PPARGC1A: variants seen among roughly 807,000 people sequenced by gnomAD.
The protein encoded by PPARGC1A is peroxisome proliferator-activated receptor gamma coactivator 1-alpha.
PPARGC1A carries 25 observed loss-of-function variants against 88.7 expected under a neutral mutation model. The ratio of observed to expected loss-of-function variants is 0.28; its 90% CI spans 0.21 to 0.39. PPARGC1A has a LOEUF of 0.39. PPARGC1A is among the 10% of genes least tolerant of loss of function. PPARGC1A has a pLI of 1.00. For synonymous variants in PPARGC1A, 363 were observed against 355.6 expected (o/e 1.02, Z -0.24); for missense variants, 880 against 968.7 (o/e 0.91, Z 1.22).
At chr4:24,258,318 A>G in the PPARGC1A span, 1 of 323,026 alleles carries the variant, frequency 3.1e-6, no homozygotes, top group Non-Finnish European at 4.5e-6. Context: ...AGATGGGGAT[A>G]CTGAAAGGCA....
the PPARGC1A span, among the ~76,000 whole-genome samples, chr4:24,471,593 G>C: frequency 6.6e-6 from 1 of 152,156 alleles, no homozygotes; most frequent in Non-Finnish European, 1.5e-5. This position sits in a 1 kb window ranked among gnomAD's most constrained non-coding sequence, Gnocchi z 5.4. Flanking sequence ...GGTTACCAGT[G>C]GCCCGCTGAC....
At chr4:24,207,912 T>G in the PPARGC1A span, among the ~76,000 whole-genome samples, 1 of 152,188 alleles carries the variant, frequency 6.6e-6, no homozygotes, top group Non-Finnish European at 1.5e-5. Flanking sequence ...TAGACAATTC[T>G]GATTATTAAG....
chr4:24,212,933 CA>C, the PPARGC1A span, among the ~76,000 whole-genome samples: 3 of 152,154 alleles, frequency 2.0e-5, no homozygotes, highest in Non-Finnish European at 4.4e-5. Context: ...AGGGTCTACA[CA>C]TATCCCCTCC....
the PPARGC1A span, among the ~76,000 whole-genome samples, chr4:24,376,096 A>C: frequency 6.6e-6 from 1 of 152,164 alleles, no homozygotes; most frequent in Non-Finnish European, 1.5e-5. Context: ...AACACCTAAC[A>C]GCCCATACAT....
chr4:24,387,762 G>GAA, the PPARGC1A span, among the ~76,000 whole-genome samples: 522 of 72,464 alleles, frequency 7.2e-3, 5 homozygotes, highest in African/African-American at 0.011. Flanking sequence ...GAGAGAGAGA[G>GAA]AGAGAGAAAG....
the PPARGC1A span, among the ~76,000 whole-genome samples, chr4:24,426,690 A>C: frequency 6.6e-6 from 1 of 152,206 alleles, no homozygotes; most frequent in African/African-American, 2.4e-5. Flanking sequence ...GCTTAGAAAT[A>C]AGCAATACAA....
chr4:24,018,594 T>TA, the PPARGC1A span, among the ~76,000 whole-genome samples: 1 of 151,880 alleles, frequency 6.6e-6, no homozygotes, highest in Non-Finnish European at 1.5e-5. Flanking sequence ...TGTCTTCTAA[T>TA]AAAAAAAATA....
At chr4:23,841,251 G>T (rs58112452) in intron 2 of PPARGC1A, among the ~76,000 whole-genome samples, 3,635 of 152,120 alleles carry the variant, frequency 0.024, 133 homozygotes, top group African/African-American at 0.082. Context: ...CTCTAGTCAA[G>T]AGAAAACCAT....
the PPARGC1A span, among the ~76,000 whole-genome samples, chr4:24,174,584 C>T: frequency 6.6e-6 from 1 of 152,214 alleles, no homozygotes; most frequent in African/African-American, 2.4e-5. Context: ...CTTAATCCTT[C>T]CAATCCCCAT....
intron 1 of PPARGC1A, among the ~76,000 whole-genome samples, chr4:23,896,004 T>A (rs2946387): frequency 0.8 from 119,230 of 149,774 alleles, 48,391 homozygotes; most frequent in African/African-American, 0.95. Context: ...ACACACATAT[T>A]TATATTTAAT....
intron 2 of PPARGC1A, among the ~76,000 whole-genome samples, chr4:23,873,035 A>C (rs139070573): frequency 6.8e-6 from 1 of 147,756 alleles, no homozygotes; most frequent in Non-Finnish European, 1.5e-5. Flanking sequence ...CTAAAAATAC[A>C]AAAAAAAAAT....
At chr4:23,802,693 A>C (rs1051400074) in intron 10 of PPARGC1A, among the ~76,000 whole-genome samples, 30 of 151,456 alleles carry the variant, frequency 2.0e-4, no homozygotes, top group African/African-American at 7.2e-4. Flanking sequence ...AAAAAAAAAA[A>C]AAAAAAAAGC....
At chr4:24,078,558 G>T in the PPARGC1A span, among the ~76,000 whole-genome samples, 1 of 152,026 alleles carries the variant, frequency 6.6e-6, no homozygotes, top group South Asian at 2.1e-4. Context: ...TGGGGGAAGG[G>T]ATCAGGTCTG....
At chr4:23,973,877 C>T in the PPARGC1A span, among the ~76,000 whole-genome samples, 1 of 151,684 alleles carries the variant, frequency 6.6e-6, no homozygotes, top group Non-Finnish European at 1.5e-5. Flanking sequence ...ATTGCATCAC[C>T]AAGTCATACA....
intron 5 of PPARGC1A, 67 bp from the exon 6 acceptor site, chr4:23,824,575 A>G (rs1723592209): frequency 1.3e-5 from 18 of 1,348,446 alleles, no homozygotes; most frequent in South Asian, 1.1e-4. Flanking sequence ...TTCTCTCCAC[A>G]ACAGTCAAGT....
the PPARGC1A span, among the ~76,000 whole-genome samples, chr4:24,074,700 C>T: frequency 3.9e-5 from 6 of 152,184 alleles, no homozygotes; most frequent in East Asian, 3.9e-4. Context: ...TATGTTCTGT[C>T]GGTGCTAACT....
At chr4:24,397,127 T>C in the PPARGC1A span, among the ~76,000 whole-genome samples, 2 of 152,154 alleles carry the variant, frequency 1.3e-5, no homozygotes, top group African/African-American at 4.8e-5. Flanking sequence ...TAATAAATTA[T>C]AGAATAAAAT....
the PPARGC1A span, among the ~76,000 whole-genome samples, chr4:24,424,141 C>T: frequency 1.3e-5 from 2 of 151,454 alleles, no homozygotes; most frequent in Non-Finnish European, 2.9e-5. Context: ...TTGTTTTCAC[C>T]CTTTACACTT....
At chr4:23,829,615 C>T in intron 3 of PPARGC1A, 30 bp from the exon 4 acceptor site, 2 of 1,599,176 alleles carry the variant, frequency 1.3e-6, no homozygotes, top group Non-Finnish European at 1.7e-6. Context: ...AAGGGAAAAG[C>T]AAGTAAAGTT....
Sources: allele counts gnomAD v4.1 joint callset (sites outside exome capture counted in the v4.1 genomes callset), GRCh38; gene constraint gnomAD v4.1.1; non-coding constraint Gnocchi (gnomAD v3.1); transcripts MANE v1.5; gene names NCBI Gene and HGNC (gene_info 2026-07-23, HGNC 2026-07-21).